SHTN1: variants seen among roughly 807,000 people sequenced by gnomAD.
SHTN1 encodes shootin 1.
A neutral mutation model predicts 83.1 loss-of-function variants in SHTN1; 42 were observed. The ratio of observed to expected loss-of-function variants is 0.51; its 90% CI spans 0.39 to 0.65. SHTN1 has a LOEUF of 0.65. Among genes scored for constraint, SHTN1 ranks in the 30% least tolerant of loss-of-function variants. SHTN1 has a pLI of 0.00. For synonymous variants in SHTN1, 224 were observed against 247.7 expected, an observed-to-expected ratio of 0.90 and a Z score of 0.90; for missense variants, 622 against 737.8, an observed-to-expected ratio of 0.84 and a Z score of 1.82.
intron 2 of SHTN1, among the ~76,000 whole-genome samples, chr10:117,029,198 A>C (rs1308984176): frequency 6.6e-6 from 1 of 152,194 alleles, no homozygotes; most frequent in African/African-American, 2.4e-5. Flanking sequence ...TCAGACTTGC[A>C]TGGGGCCTGT....
At chr10:117,079,034 T>G (rs1853210843) in intron 1 of SHTN1, among the ~76,000 whole-genome samples, 1 of 152,038 alleles carries the variant, frequency 6.6e-6, no homozygotes, top group Non-Finnish European at 1.5e-5. Context: ...TTTTTTTTAT[T>G]TTTATTTATT....
At position 116,949,014 on chromosome 10, in the gene SHTN1, T is replaced by G. The variant is rs752280908; in HGVS notation, c.535-17A>C. The G allele has an allele frequency of 1.3e-6, 2 of 1,524,310 alleles. No individual in the cohort carries two copies. The highest frequency in any genetic ancestry group is 4.4e-5 in the Admixed American group (2 of 45,758). 94.4% of individuals were successfully genotyped at this position (1,524,310 alleles called of 1,614,324 possible). A position where few individuals can be genotyped will look rare whatever the true frequency, so the allele number is the denominator to read the frequency against. Reference sequence around the variant, plus strand: ...TTTATTTACCTAAAAATGTGAAATTTTGAGGGGAGAAAACACCAAAAATTG... The same window carrying G: ...TTTATTTACCTAAAAATGTGAAATTGTGAGGGGAGAAAACACCAAAAATTG... On this transcript the variant is annotated splice_polypyrimidine_tract_variant and intron_variant, in intron 6 of 16. Transcript: ENST00000355371.
intron 1 of SHTN1, among the ~76,000 whole-genome samples, chr10:117,121,482 G>C (rs1297531554): frequency 6.6e-6 from 1 of 152,018 alleles, no homozygotes; most frequent in Admixed American, 6.6e-5. Context: ...GGGAGGCTGA[G>C]GCAGGAGAAT....
At chr10:116,890,529 A>G (rs1838272918) in intron 16 of SHTN1, among the ~76,000 whole-genome samples, 1 of 152,210 alleles carries the variant, frequency 6.6e-6, no homozygotes, top group Non-Finnish European at 1.5e-5. Flanking sequence ...TTTATGATCC[A>G]TTCATATAGA....
At chr10:117,083,420 G>C (rs2133613794) in intron 1 of SHTN1, among the ~76,000 whole-genome samples, 2 of 150,482 alleles carry the variant, frequency 1.3e-5, no homozygotes, top group East Asian at 3.9e-4. Context: ...TAGTCTGATG[G>C]GCTTCCCTTT....
intron 13 of SHTN1, among the ~76,000 whole-genome samples, chr10:116,913,694 T>G (rs1388590246): frequency 6.6e-6 from 1 of 152,232 alleles, no homozygotes; most frequent in Non-Finnish European, 1.5e-5. Flanking sequence ...GTGAAAGTCA[T>G]AAAAATGGAT....
chr10:117,048,457 G>A (rs1398350180), exon 2 of SHTN1: 44 of 985,008 alleles, frequency 4.5e-5, no homozygotes, highest in Non-Finnish European at 5.2e-5. Flanking sequence ...CCTTCTCTGA[G>A]GCAGACTTCA....
At chr10:117,125,509 T>TC (rs1174657497) in intron 1 of SHTN1, among the ~76,000 whole-genome samples, 4 of 152,050 alleles carry the variant, frequency 2.6e-5, no homozygotes, top group African/African-American at 4.8e-5. Flanking sequence ...TGGGCTTTCC[T>TC]CCCATCGTTA....
chr10:117,010,447 T>A, upstream of SHTN1, among the ~76,000 whole-genome samples: 1 of 152,062 alleles, frequency 6.6e-6, no homozygotes, highest in Non-Finnish European at 1.5e-5. Flanking sequence ...AAAGACACCC[T>A]TCAATGAAAA....
intron 2 of SHTN1, among the ~76,000 whole-genome samples, chr10:117,011,313 G>A (rs1852099558): frequency 6.6e-6 from 1 of 152,164 alleles, no homozygotes; most frequent in Admixed American, 6.5e-5. Flanking sequence ...TCTTTTGCAT[G>A]TGGATATCTA....
chr10:116,992,359 T>A (rs1440401536), intron 1 of SHTN1, among the ~76,000 whole-genome samples: 1 of 152,224 alleles, frequency 6.6e-6, no homozygotes, highest in African/African-American at 2.4e-5. Context: ...ACTCTCCTTG[T>A]CTTGCAAATT....
At chr10:117,076,870 A>G (rs1853164787) in intron 1 of SHTN1, among the ~76,000 whole-genome samples, 1 of 152,232 alleles carries the variant, frequency 6.6e-6, no homozygotes, top group Non-Finnish European at 1.5e-5. Context: ...TCTGGAGAAA[A>G]GGGTGGCAAA....
At position 116,883,661 on chromosome 10, in the gene SHTN1, A is replaced by G. The variant is rs1019308251; in HGVS notation, c.*2683T>C. 6.5e-6 allele frequency: 1 copy of G among 153,640 alleles called. No individual in the cohort carries two copies. The highest frequency in any genetic ancestry group is 2.0e-4 in the South Asian group (1 of 4,946). 9.5% of individuals were successfully genotyped at this position (153,640 alleles called of 1,614,324 possible). ...ACAATTAAAAATAATTGTTACCTGTACTACTCCATTTCCAGCAGTTTACCA... is the reference window on the plus strand; with the variant it reads ...ACAATTAAAAATAATTGTTACCTGTGCTACTCCATTTCCAGCAGTTTACCA... On this transcript the variant is annotated 3_prime_UTR_variant, in exon 17 of 17. Coordinates refer to ENST00000355371, the MANE Select transcript of SHTN1 (RefSeq NM_001127211.3).
chr10:117,000,388 T>A (rs1404501230), intron 1 of SHTN1, among the ~76,000 whole-genome samples: 1 of 152,194 alleles, frequency 6.6e-6, no homozygotes, highest in Non-Finnish European at 1.5e-5. Context: ...TTGACTAGAT[T>A]TCCATGTGAA....
At chr10:116,889,214 AG>A (rs1276385343) in intron 16 of SHTN1, among the ~76,000 whole-genome samples, 1 of 152,182 alleles carries the variant, frequency 6.6e-6, no homozygotes, top group Non-Finnish European at 1.5e-5. Flanking sequence ...AAAAATTTCC[AG>A]GAAGTGCTCT....
At chr10:117,121,003 T>C (rs1853916730) in intron 1 of SHTN1, among the ~76,000 whole-genome samples, 1 of 151,772 alleles carries the variant, frequency 6.6e-6, no homozygotes, top group Non-Finnish European at 1.5e-5. Context: ...AGAGACGGGG[T>C]TTCCCCATGT....
At chr10:116,895,564 G>A (rs74743194) in intron 16 of SHTN1, among the ~76,000 whole-genome samples, 1 of 152,156 alleles carries the variant, frequency 6.6e-6, no homozygotes, top group African/African-American at 2.4e-5. Context: ...AGGAAGACAT[G>A]AAACTACCTA....
intron 1 of SHTN1, among the ~76,000 whole-genome samples, chr10:116,992,714 A>G (rs1275937771): frequency 6.6e-6 from 1 of 152,176 alleles, no homozygotes; most frequent in Non-Finnish European, 1.5e-5. Flanking sequence ...AAAGAGAGGA[A>G]AGAGAAGCCA....
At chr10:117,081,305 G>C (rs1853258169) in intron 1 of SHTN1, among the ~76,000 whole-genome samples, 1 of 150,796 alleles carries the variant, frequency 6.6e-6, no homozygotes, top group Non-Finnish European at 1.5e-5. Context: ...TGTGGTTTTT[G>C]TCTTTGGCTC....
Sources: gnomAD v4.1 joint callset for allele counts (sites outside exome capture counted in the v4.1 genomes callset) on GRCh38, gnomAD v4.1.1 for gene constraint, MANE v1.5 for transcripts, NCBI Gene and HGNC (gene_info 2026-07-23, HGNC 2026-07-21) for gene names.